INPP4B: variants seen among roughly 807,000 people sequenced by gnomAD.
INPP4B encodes the protein inositol polyphosphate-4-phosphatase type II B.
Under a neutral mutation model 122.5 loss-of-function variants are expected in INPP4B, and 55 were observed. That is an observed-to-expected ratio of 0.45 (90% CI 0.36 to 0.56). The LOEUF (loss-of-function observed/expected upper bound fraction) is 0.56, where lower values mean the gene tolerates loss of function less well. INPP4B is among the 20% of genes least tolerant of loss of function. The pLI, the probability that INPP4B is intolerant of heterozygous loss-of-function variation, is 0.00. For missense variants in INPP4B, 1,000 were observed against 1,097.7 expected (o/e 0.91, Z 1.26); for synonymous variants, 403 against 388.7 (o/e 1.04, Z -0.43).
chr4:142,262,881 A>C (rs1332312024), intron 10 of INPP4B, among the ~76,000 whole-genome samples: 1 of 152,198 alleles, frequency 6.6e-6, no homozygotes, highest in Non-Finnish European at 1.5e-5. Context: ...ACTACAATGA[A>C]AACAGTACTT....
chr4:142,092,339 G>A (rs1779939615), intron 23 of INPP4B, among the ~76,000 whole-genome samples: 1 of 148,776 alleles, frequency 6.7e-6, no homozygotes, highest in South Asian at 2.2e-4. Flanking sequence ...CACCCAGGCT[G>A]GAGTGCAGTG....
intron 1 of INPP4B, among the ~76,000 whole-genome samples, chr4:142,783,064 G>C (rs1775141225): frequency 6.6e-6 from 1 of 151,738 alleles, no homozygotes; most frequent in Non-Finnish European, 1.5e-5. Context: ...AAAAACCCTA[G>C]AAGAAAACCT....
intron 16 of INPP4B, among the ~76,000 whole-genome samples, chr4:142,170,298 T>C (rs1229873494): frequency 6.6e-6 from 1 of 151,780 alleles, no homozygotes; most frequent in African/African-American, 2.4e-5. Flanking sequence ...TAAGAAGGCA[T>C]AACAAGAATG....
At chr4:142,658,988 C>A (rs1417416922) in intron 2 of INPP4B, among the ~76,000 whole-genome samples, 1 of 152,102 alleles carries the variant, frequency 6.6e-6, no homozygotes, top group Non-Finnish European at 1.5e-5. Flanking sequence ...TAAAGCCAAC[C>A]CAAAAGGCGT....
chr4:142,479,202 CAT>C (rs1820183899), intron 2 of INPP4B, among the ~76,000 whole-genome samples: 1 of 151,958 alleles, frequency 6.6e-6, no homozygotes, highest in Non-Finnish European at 1.5e-5. Context: ...GGCCAACAAA[CAT>C]ATGAAAAAAA....
chr4:142,429,150 A>G, intron 5 of INPP4B, 23 bp downstream of exon 5: 6 of 1,406,660 alleles, frequency 4.3e-6, no homozygotes, highest in African/African-American at 1.4e-5. Context: ...ATTTATTGAT[A>G]TAAATAAGAT....
chr4:142,459,973 A>G (rs189279234), intron 3 of INPP4B, among the ~76,000 whole-genome samples: 2 of 152,342 alleles, frequency 1.3e-5, no homozygotes, highest in African/African-American at 4.8e-5. Flanking sequence ...TGCAGTGTAC[A>G]GAATAAGCAC....
intron 2 of INPP4B, among the ~76,000 whole-genome samples, chr4:142,576,161 T>C (rs1272714755): frequency 6.6e-6 from 1 of 151,924 alleles, no homozygotes; most frequent in African/African-American, 2.4e-5. Context: ...ATGCACCAAA[T>C]ATTTACATGA....
chr4:142,126,007 C>T (rs79711764), intron 18 of INPP4B, among the ~76,000 whole-genome samples: 3,707 of 152,076 alleles, frequency 0.024, 152 homozygotes, highest in African/African-American at 0.085. Context: ...AAAATTGAGA[C>T]CATTTGTGCT....
intron 1 of INPP4B, among the ~76,000 whole-genome samples, chr4:142,739,737 G>C (rs963044227): frequency 1.3e-5 from 2 of 151,814 alleles, no homozygotes; most frequent in African/African-American, 4.8e-5. Context: ...TAGGTCATTG[G>C]ATTAAAAGCA....
At chr4:142,192,354 A>AAAAAAAAG (rs148371542) in intron 15 of INPP4B, among the ~76,000 whole-genome samples, 764 of 73,108 alleles carry the variant, frequency 0.01, 107 homozygotes, top group African/African-American at 0.027. Context: ...AAAAAAAAAA[A>AAAAAAAAG]TGGGATTCTT....
intron 2 of INPP4B, among the ~76,000 whole-genome samples, chr4:142,552,748 C>T (rs985393877): frequency 9.2e-5 from 14 of 152,274 alleles, no homozygotes; most frequent in Admixed American, 7.8e-4. Flanking sequence ...CTTAATATTA[C>T]AGCAGCTCCA....
intron 11 of INPP4B, among the ~76,000 whole-genome samples, chr4:142,245,236 A>G (rs2150079092): frequency 6.6e-6 from 1 of 152,156 alleles, no homozygotes; most frequent in Non-Finnish European, 1.5e-5. Flanking sequence ...CCATTTGTCA[A>G]TTTTGGCTTT....
At chr4:142,534,773 T>G (rs539015806) in intron 2 of INPP4B, among the ~76,000 whole-genome samples, 1 of 151,818 alleles carries the variant, frequency 6.6e-6, no homozygotes, top group Non-Finnish European at 1.5e-5. Context: ...TTCCTTTCTG[T>G]ACTCTCTGTA....
At chr4:142,761,220 A>G (rs1263169065) in intron 1 of INPP4B, among the ~76,000 whole-genome samples, 1 of 150,692 alleles carries the variant, frequency 6.6e-6, no homozygotes, top group Admixed American at 6.6e-5. Context: ...CTTATTGAGC[A>G]TTTTTAATTG....
chr4:142,681,627 G>T (rs1758631438), intron 2 of INPP4B, among the ~76,000 whole-genome samples: 1 of 151,790 alleles, frequency 6.6e-6, no homozygotes, highest in South Asian at 2.1e-4. Context: ...AAGAAAGAAA[G>T]AAAGAAAACG....
At chr4:142,741,708 C>T (rs1411533154) in intron 1 of INPP4B, among the ~76,000 whole-genome samples, 1 of 151,760 alleles carries the variant, frequency 6.6e-6, no homozygotes, top group Non-Finnish European at 1.5e-5. Context: ...CTGAAAAATA[C>T]ATTTGAATCA....
At chr4:142,764,875 G>A (rs1026259618) in intron 1 of INPP4B, among the ~76,000 whole-genome samples, 3 of 152,022 alleles carry the variant, frequency 2.0e-5, no homozygotes, top group Admixed American at 1.3e-4. Flanking sequence ...AGGCTAAGAC[G>A]TTCGCTTGGT....
chr4:142,595,806 C>T (rs913640440), intron 2 of INPP4B, among the ~76,000 whole-genome samples: 4 of 152,090 alleles, frequency 2.6e-5, no homozygotes, highest in Admixed American at 1.3e-4. Context: ...ATTATAAATC[C>T]ACCTGACTAC....
Sources: gnomAD v4.1 joint callset for allele counts (sites outside exome capture counted in the v4.1 genomes callset) on GRCh38, gnomAD v4.1.1 for gene constraint, MANE v1.5 for transcripts, NCBI Gene and HGNC (gene_info 2026-07-23, HGNC 2026-07-21) for gene names.